Variants in C6 observed in about 807,000 individuals in gnomAD.
The protein encoded by C6 is complement C6, also known as complement component C6.
In C6, 101 loss-of-function variants were observed where a neutral mutation model predicts 112.9. That is an observed-to-expected ratio of 0.89 (90% confidence interval 0.76 to 1.06). The LOEUF is 1.06. Among genes scored for constraint, C6 ranks in the 50% least tolerant of loss-of-function variants. The pLI, the probability that C6 is intolerant of heterozygous loss-of-function variation, is 0.00. For missense variants in C6, 1,202 were observed against 1,104.6 expected, an observed-to-expected ratio of 1.09 and a Z score of -1.25; for synonymous variants, 431 against 384.1, an observed-to-expected ratio of 1.12 and a Z score of -1.43.
chr5:41,236,115 C>A (rs181319606), intron 1 of C6, among the ~76,000 whole-genome samples: 1,430 of 93,984 alleles, frequency 0.015, 44 homozygotes, highest in African/African-American at 0.061. Flanking sequence ...GCTTTTGTTG[C>A]CATTGCTTTT....
chr5:41,193,551 G>A (rs767003914), intron 5 of C6, among the ~76,000 whole-genome samples: 5 of 152,010 alleles, frequency 3.3e-5, no homozygotes, highest in African/African-American at 4.8e-5. Flanking sequence ...ACATATATAT[G>A]TGTGTGATCC....
intron 1 of C6, among the ~76,000 whole-genome samples, chr5:41,207,260 C>T (rs973897513): frequency 3.9e-5 from 6 of 152,168 alleles, no homozygotes; most frequent in African/African-American, 9.7e-5. Flanking sequence ...CTGGTACCAG[C>T]CACTGCAAAA....
intron 8 of C6, 52 bp downstream of exon 8, chr5:41,176,423 G>A (rs1278590375): frequency 1.9e-6 from 3 of 1,574,978 alleles, no homozygotes; most frequent in Admixed American, 1.7e-5. Context: ...AGAGAAAAAT[G>A]TATTGCATGC....
intron 5 of C6, among the ~76,000 whole-genome samples, chr5:41,189,069 C>T (rs187175856): frequency 1.7e-4 from 26 of 152,026 alleles, no homozygotes; most frequent in East Asian, 3.9e-4. Flanking sequence ...ATCAAACCTG[C>T]GATGAGATAC....
At chr5:41,201,387 C>T (rs1039875334) in intron 3 of C6, among the ~76,000 whole-genome samples, 171 bp downstream of exon 3, 2 of 152,064 alleles carry the variant, frequency 1.3e-5, no homozygotes, top group African/African-American at 4.8e-5. Flanking sequence ...ATAAAATAAA[C>T]CCCCTCTTCC....
chr5:41,259,819 G>GTCAGCTT (rs1169830634), intron 1 of C6, among the ~76,000 whole-genome samples: 1 of 152,142 alleles, frequency 6.6e-6, no homozygotes, highest in African/African-American at 2.4e-5. Flanking sequence ...TAGGGACACC[G>GTCAGCTT]TCAGCTTTCA....
At chr5:41,225,238 C>T (rs1739413491) in intron 1 of C6, among the ~76,000 whole-genome samples, 1 of 152,122 alleles carries the variant, frequency 6.6e-6, no homozygotes, top group African/African-American at 2.4e-5. Context: ...ACAACAGGCC[C>T]CAGTGTGTGA....
chr5:41,155,772 C>T (rs1197045624), intron 13 of C6, among the ~76,000 whole-genome samples: 1 of 144,234 alleles, frequency 6.9e-6, no homozygotes, highest in East Asian at 2.0e-4. Flanking sequence ...AAACCCAAAA[C>T]AAAAAAAAAA....
chr5:41,211,291 G>A (rs1386062697), intron 1 of C6, among the ~76,000 whole-genome samples: 1 of 147,244 alleles, frequency 6.8e-6, no homozygotes, highest in Admixed American at 6.9e-5. Context: ...AATGCTAAAT[G>A]ACGAGTTAAT....
intron 1 of C6, among the ~76,000 whole-genome samples, chr5:41,226,717 C>A (rs1739531499): frequency 1.3e-5 from 2 of 152,122 alleles, no homozygotes; most frequent in Admixed American, 1.3e-4. Context: ...GTTTGTCTTT[C>A]TTTGCATGTC....
At chr5:41,245,550 C>T (rs1180953013) in intron 1 of C6, among the ~76,000 whole-genome samples, 3 of 151,994 alleles carry the variant, frequency 2.0e-5, no homozygotes, top group Non-Finnish European at 4.4e-5. Flanking sequence ...CCATCTGGAC[C>T]TTGATATTTT....
chr5:41,201,410 G>A (rs1042371238), intron 3 of C6, 148 bp downstream of exon 3: 6 of 805,122 alleles, frequency 7.5e-6, no homozygotes, highest in Admixed American at 2.2e-5. Flanking sequence ...CCACAAAAGT[G>A]CTAAATGGAA....
chr5:41,233,797 T>C (rs1361259560), intron 1 of C6, among the ~76,000 whole-genome samples: 7 of 152,100 alleles, frequency 4.6e-5, no homozygotes, highest in African/African-American at 1.7e-4. Context: ...ACCTGATCAT[T>C]TGCTCTAGCC....
Position 41,172,264 on chromosome 5 carries a change from G to C in C6, c.1252C>G (p.His418Asp). 6.2e-7 allele frequency: 1 copy of C among 1,613,692 alleles called. No homozygotes were observed. Among genetic ancestry groups the C allele is most frequent in the Non-Finnish European group, 8.5e-7 (1 of 1,179,670 alleles). Residue 418 changes from histidine (H) to aspartate (D), a missense_variant, in exon 9 of 18, where the codon CAT becomes GAT. Physicochemically the swap from His to Asp is moderately conservative, Grantham distance 81. Transcript: ENST00000337836. ...GACAGCTTGTTGGTGGTGCACCTAT[G>C]TTCCACTTTTGTTTTCTTAGCAAAT... ...VLFAKKTKVE[H>D]RCTTNKLSEK...
At chr5:41,197,970 T>C (rs775053509) in intron 4 of C6, among the ~76,000 whole-genome samples, 7 of 152,172 alleles carry the variant, frequency 4.6e-5, no homozygotes, top group Non-Finnish European at 1.0e-4. Context: ...ATTTAGAAAT[T>C]GCACGTTTTT....
chr5:41,183,654 T>C (rs188087126), intron 6 of C6, among the ~76,000 whole-genome samples: 33 of 152,258 alleles, frequency 2.2e-4, no homozygotes, highest in African/African-American at 7.9e-4. Context: ...GAAAACAAAT[T>C]GTTCTACCAA....
At chr5:41,180,832 TAA>T (rs71606601) in intron 7 of C6, among the ~76,000 whole-genome samples, 8 of 134,300 alleles carry the variant, frequency 6.0e-5, no homozygotes, top group African/African-American at 8.3e-5. Context: ...TATGAGGAAT[TAA>T]AAAAAAAAAA....
At chr5:41,214,377 A>T (rs1245177736), upstream of C6, among the ~76,000 whole-genome samples, 1 of 152,158 alleles carries the variant, frequency 6.6e-6, no homozygotes, top group African/African-American at 2.4e-5. Context: ...AAGTCTAAAG[A>T]TTACTTGAAA....
intron 1 of C6, among the ~76,000 whole-genome samples, chr5:41,223,150 T>C (rs1478905073): frequency 2.0e-5 from 3 of 152,174 alleles, no homozygotes; most frequent in Non-Finnish European, 2.9e-5. Context: ...GTTTCTATGG[T>C]TTCTCCTATA....
Sources: allele counts gnomAD v4.1 joint callset (sites outside exome capture counted in the v4.1 genomes callset), GRCh38; gene constraint gnomAD v4.1.1; transcripts MANE v1.5; gene names NCBI Gene and HGNC (gene_info 2026-07-23, HGNC 2026-07-21).